LRGUK: variants seen among roughly 807,000 people sequenced by gnomAD.
The protein encoded by LRGUK is leucine rich repeats and guanylate kinase domain containing, also known as leucine-rich repeat and guanylate kinase domain-containing protein.
In LRGUK, 65 loss-of-function variants were observed where a neutral mutation model predicts 76.0. The observed-to-expected ratio is 0.85, with a 90% confidence interval of 0.70 to 1.05. LRGUK has a LOEUF of 1.05. LRGUK is among the 50% of genes least tolerant of loss of function. LRGUK has a pLI of 0.00. For missense variants in LRGUK, 758 were observed against 732.8 expected, an observed-to-expected ratio of 1.03 and a Z score of -0.40; for synonymous variants, 268 against 265.6, an observed-to-expected ratio of 1.01 and a Z score of -0.09.
intron 16 of LRGUK, among the ~76,000 whole-genome samples, chr7:134,233,228 G>A (rs1035601338): frequency 1.3e-5 from 2 of 152,198 alleles, no homozygotes; most frequent in African/African-American, 4.8e-5. Context: ...AAGCATACAT[G>A]AAGGCTATGC....
At position 134,143,049 on chromosome 7, in the gene LRGUK, T is replaced by C. The variant is rs1437721991; in HGVS notation, c.488-13T>C. ...ATTGGCTTACCTTATTCTGTATCTG[T>C]TTCCCTCCGTAGATTTATCTTGTGT... On this transcript the variant is annotated splice_polypyrimidine_tract_variant and intron_variant, in intron 3 of 15. Transcript: ENST00000645682. 5.0e-6 allele frequency: 7 copies of C among 1,401,628 alleles called. No homozygotes were observed. Among genetic ancestry groups the C allele is most frequent in the African/African-American group, 1.4e-5 (1 of 70,528 alleles). The allele number at this position is 1,401,628 out of a possible 1,614,324, so 86.8% of individuals were successfully genotyped here. A position where few individuals can be genotyped will look rare whatever the true frequency, so the allele number is the denominator to read the frequency against.
chr7:134,127,808 C>G lies in LRGUK; in HGVS notation c.297+144C>G, dbSNP rs1022826676. The G allele has an allele frequency of 5.8e-6, 5 of 860,290 alleles. No homozygotes were observed. The Admixed American group carries it at 1.2e-4, about 20-fold the overall frequency. 53.3% of individuals were successfully genotyped at this position (860,290 alleles called of 1,614,324 possible). On this transcript the variant is annotated intron_variant, in intron 1 of 15. Transcript: ENST00000645682. ...TCGCCTCCAGGAACGCCTCTTCCCC[C>G]TCTTTTCTTCCCCTGTCTTTTACCC... is the stretch of plus-strand genomic sequence containing the variant.
rs1328618249 is a variant in LRGUK at position 134,201,583 on chromosome 7, T to C, written c.1843+7T>C. On this transcript the variant is annotated splice_region_variant and intron_variant, in intron 15 of 15. Coordinates refer to ENST00000645682, the Ensembl canonical transcript of LRGUK. ...AGTTTGGCTACAACTGCAGGTACTA[T>C]TCTATCATTTTTGTGCCAGGATTTT... 1 of 1,592,528 alleles carries C rather than the reference T, an allele frequency of 6.3e-7. No homozygotes were observed. Among genetic ancestry groups the C allele is most frequent in the East Asian group, 2.2e-5 (1 of 44,794 alleles).
At chr7:134,194,552 G>A (rs548756163) in intron 12 of LRGUK, among the ~76,000 whole-genome samples, 2 of 151,964 alleles carry the variant, frequency 1.3e-5, no homozygotes, top group African/African-American at 4.8e-5. Flanking sequence ...GACCAGCCTG[G>A]GCAACAAAAT....
At chr7:134,148,799 G>A (rs973142283) in intron 5 of LRGUK, among the ~76,000 whole-genome samples, 2 of 151,964 alleles carry the variant, frequency 1.3e-5, no homozygotes, top group Admixed American at 6.6e-5. Context: ...GATGGGATGT[G>A]CCTGTAATCC....
downstream of LRGUK, among the ~76,000 whole-genome samples, chr7:134,212,923 AT>A (rs1585565320): frequency 2.0e-5 from 3 of 152,344 alleles, no homozygotes; most frequent in East Asian, 5.8e-4. Flanking sequence ...ACTTTTCCAG[AT>A]GTCATAAGAA....
intron 16 of LRGUK, among the ~76,000 whole-genome samples, chr7:134,225,160 G>T (rs1176760183): frequency 6.8e-6 from 1 of 148,006 alleles, no homozygotes; most frequent in Non-Finnish European, 1.5e-5. Flanking sequence ...CCCACTCTGT[G>T]CTCCTAACTG....
Position 134,127,547 on chromosome 7 carries a change from C to A in LRGUK, c.180C>A (p.Tyr60Ter). ...GCAGCTCTAACATAGCCTCCTCCTA[C>A]CTGCTCCAGCAGCTCATGCACCGCT... The change falls in exon 1 of 16, where the codon TAC becomes TAA. Residue 60 changes from tyrosine to a stop codon, truncating the protein, a stop_gained. Transcript: ENST00000645682. LOFTEE classifies it high-confidence loss of function. 1 of 1,614,218 alleles carries A rather than the reference C, an allele frequency of 6.2e-7. No homozygotes were observed. The highest frequency in any genetic ancestry group is 2.2e-5 in the East Asian group (1 of 44,876).
At chr7:134,162,346 C>G (rs1798786198) in intron 6 of LRGUK, among the ~76,000 whole-genome samples, 1 of 152,100 alleles carries the variant, frequency 6.6e-6, no homozygotes, top group Non-Finnish European at 1.5e-5. Flanking sequence ...GTGACATTTC[C>G]TTTTCCATAT....
chr7:134,189,566 T>C (rs1387462710), intron 11 of LRGUK, among the ~76,000 whole-genome samples: 2 of 152,210 alleles, frequency 1.3e-5, no homozygotes, highest in Non-Finnish European at 2.9e-5. Context: ...GCCTAGAAGC[T>C]TCAAATTGCT....
At chr7:134,178,574 C>A in exon 10 of LRGUK, 1 of 1,613,180 alleles carries the variant, frequency 6.2e-7, no homozygotes, top group South Asian at 1.1e-5. Context: ...CCCATGTTGT[C>A]AACAGCGTGA....
At chr7:134,139,636 A>G (rs927915277) in intron 3 of LRGUK, 119 bp downstream of exon 3, 4 of 634,690 alleles carry the variant, frequency 6.3e-6, no homozygotes, top group South Asian at 4.7e-5. Flanking sequence ...CAATTTACAT[A>G]TTGATCCTTT....
intron 11 of LRGUK, among the ~76,000 whole-genome samples, chr7:134,188,954 A>G (rs544551551): frequency 3.9e-5 from 6 of 152,180 alleles, no homozygotes; most frequent in Non-Finnish European, 8.8e-5. Flanking sequence ...CTCTTCTTAG[A>G]TATCTTTTCT....
chr7:134,201,235 A>C (rs533692838), intron 14 of LRGUK, among the ~76,000 whole-genome samples: 1 of 152,234 alleles, frequency 6.6e-6, no homozygotes, highest in African/African-American at 2.4e-5. Context: ...ATCCGCAAAA[A>C]TCCCTTTTGC....
rs770406165 is a variant in LRGUK at position 134,263,840 on chromosome 7, T to G, written c.2348-5T>G. ...TAACTATCTTTTTTTCTGAATGTTT[T>G]ACAGCACTACCTATACAATCATTTT... On this transcript the variant is annotated splice_polypyrimidine_tract_variant and splice_region_variant and intron_variant, in intron 19 of 19. Coordinates refer to the LRGUK transcript ENST00000285928. 6.2e-6 allele frequency: 10 copies of G among 1,601,078 alleles called. No homozygotes were observed. Among genetic ancestry groups the G allele is most frequent in the Non-Finnish European group, 8.5e-6 (10 of 1,174,534 alleles).
At chr7:134,246,616 A>G (rs1298890007) in intron 16 of LRGUK, among the ~76,000 whole-genome samples, 1 of 152,208 alleles carries the variant, frequency 6.6e-6, no homozygotes, top group Non-Finnish European at 1.5e-5. Context: ...TGAAATTTTA[A>G]GTGAATGCCA....
intron 6 of LRGUK, among the ~76,000 whole-genome samples, chr7:134,160,053 C>G (rs1798655847): frequency 6.6e-6 from 1 of 152,198 alleles, no homozygotes; most frequent in African/African-American, 2.4e-5. Context: ...TTTTTAGCAG[C>G]ATGTGTGCTT....
intron 5 of LRGUK, among the ~76,000 whole-genome samples, chr7:134,155,005 C>A (rs965738144): frequency 6.6e-6 from 1 of 152,134 alleles, no homozygotes; most frequent in Non-Finnish European, 1.5e-5. Context: ...GAGGCAGATA[C>A]CCACAAGCAG....
chr7:134,184,184 G>A (rs1195375127), intron 11 of LRGUK, among the ~76,000 whole-genome samples: 4 of 152,064 alleles, frequency 2.6e-5, no homozygotes, highest in Non-Finnish European at 4.4e-5. Flanking sequence ...CATTCTAATC[G>A]ATATGGTAAA....
Sources: allele counts gnomAD v4.1 joint callset (sites outside exome capture counted in the v4.1 genomes callset), GRCh38; gene constraint gnomAD v4.1.1; transcripts MANE v1.5; gene names NCBI Gene and HGNC (gene_info 2026-07-23, HGNC 2026-07-21).